MYO1C: variants seen among roughly 807,000 people sequenced by gnomAD.
MYO1C encodes myosin IC, also known as unconventional myosin-Ic.
Under a neutral mutation model 150.8 loss-of-function variants are expected in MYO1C, and 104 were observed. The observed-to-expected ratio is 0.69, with a 90% confidence interval of 0.59 to 0.81. The LOEUF is 0.81. Ranked by LOEUF, MYO1C falls within the 30% of genes least tolerant of loss-of-function variation. The pLI is 0.00. For missense variants in MYO1C, 1,504 were observed against 1,435.0 expected, an observed-to-expected ratio of 1.05 and a Z score of -0.78; for synonymous variants, 663 against 579.9, an observed-to-expected ratio of 1.14 and a Z score of -2.06.
In MYO1C at chr17:1,467,922, G is replaced by C. The variant is rs768934901; in HGVS notation, c.2897-12C>G. 3.1e-6 allele frequency: 5 copies of C among 1,612,576 alleles called. No individual in the cohort carries two copies. Among genetic ancestry groups the C allele is most frequent in the Non-Finnish European group, 4.2e-6 (5 of 1,179,780 alleles). On this transcript the variant is annotated splice_polypyrimidine_tract_variant and intron_variant, in intron 28 of 31. Transcript: ENST00000648651. Reference sequence around the variant, plus strand: ...GCTGACAGAGATTCCTGAGGGGAGAGGGCAAAGGTCAGAGGTCGAGGGTCA... The same window carrying C: ...GCTGACAGAGATTCCTGAGGGGAGACGGCAAAGGTCAGAGGTCGAGGGTCA...
chr17:1,492,518 A>G lies in MYO1C; in HGVS notation c.-31T>C, dbSNP rs1598352913. ...CCTGCGGAGAGCCAGCGGCCTGGGCACCGCGGCCTGTGAGCAAGAGCTGCC... is the reference window on the plus strand; with the variant it reads ...CCTGCGGAGAGCCAGCGGCCTGGGCGCCGCGGCCTGTGAGCAAGAGCTGCC... On this transcript the variant is annotated 5_prime_UTR_variant, in exon 1 of 32. Transcript: ENST00000648651. 1 of 1,572,978 alleles carries G rather than the reference A, an allele frequency of 6.4e-7. No homozygotes were observed. The highest frequency in any genetic ancestry group is 1.2e-5 in the South Asian group (1 of 86,432).
Position 1,465,556 on chromosome 17 carries a change from T to A in MYO1C, c.*170A>T, listed in dbSNP as rs557172939. On this transcript the variant is annotated 3_prime_UTR_variant, in exon 32 of 32. Coordinates refer to ENST00000648651, the MANE Select transcript of MYO1C (RefSeq NM_001080779.2). ...CCTGGCCCACTCCTGGGGTAGCTCC[T>A]GGCCCCTGCTGCTCCCTCAAGAGAG... The A allele has an allele frequency of 1.4e-6, 1 of 706,288 alleles. No homozygotes were observed. The highest frequency in any genetic ancestry group is 2.1e-6 in the Non-Finnish European group (1 of 479,390). The allele number at this position is 706,288 out of a possible 1,614,324, so 43.8% of individuals were successfully genotyped here.
chr17:1,485,284 C>A, intron 1 of MYO1C: 1 of 1,143,144 alleles, frequency 8.7e-7, no homozygotes, highest in South Asian at 1.8e-5. Context: ...CAGAGAAGAA[C>A]AAGGTGGTGG....
rs1189646261 is a variant in MYO1C, at chr17:1,477,948, G to C, written c.1425C>G (p.Asn475Lys). The C allele has an allele frequency of 6.2e-7, 1 of 1,614,214 alleles. No homozygotes were observed. Among genetic ancestry groups the C allele is most frequent in the Non-Finnish European group, 8.5e-7 (1 of 1,180,028 alleles). The change falls in exon 13 of 32, where the codon AAC (asparagine) becomes AAG (lysine). Residue 475 changes from asparagine to lysine, a missense_variant. Coordinates refer to ENST00000648651, the MANE Select transcript of MYO1C (RefSeq NM_001080779.2). ...CCACCAGATCACAGATGATTTTGTT[G>C]TTGAAATACTGGACGGGCTCCCACT... ...GIAWEPVQYF[N>K]NKIICDLVEE... is the part of the protein sequence containing the mutation.
At chr17:1,483,154 G>A in intron 3 of MYO1C, 95 bp from the exon 4 acceptor site, 1 of 1,255,114 alleles carries the variant, frequency 8.0e-7, no homozygotes. Flanking sequence ...CCTCTTGTGG[G>A]AGTCGAATAC....
At position 1,484,320 on chromosome 17, in the gene MYO1C, A is replaced by G. The variant is rs2074604863; in HGVS notation, c.76-17T>C. 6.2e-7 allele frequency: 1 copy of G among 1,607,264 alleles called. No homozygotes were observed. Among genetic ancestry groups the G allele is most frequent in the Non-Finnish European group, 8.5e-7 (1 of 1,179,986 alleles). ...GCCCAGGGCCTGCAGAGAATGGGCCACAGAAGAGGGTCAGAGTCATCGGGG... is the reference window on the plus strand; with the variant it reads ...GCCCAGGGCCTGCAGAGAATGGGCCGCAGAAGAGGGTCAGAGTCATCGGGG... On this transcript the variant is annotated splice_polypyrimidine_tract_variant and intron_variant, in intron 1 of 31. Transcript: ENST00000648651.
intron 1 of MYO1C, among the ~76,000 whole-genome samples, chr17:1,487,420 C>T (rs910242606): frequency 1.3e-5 from 2 of 152,224 alleles, no homozygotes; most frequent in Admixed American, 1.3e-4. Flanking sequence ...GGGGAGAGGG[C>T]GAGGCTGCGG....
intron 14 of MYO1C, among the ~76,000 whole-genome samples, chr17:1,476,372 C>T (rs2150948353): frequency 6.6e-6 from 1 of 152,308 alleles, no homozygotes; most frequent in Non-Finnish European, 1.5e-5. Flanking sequence ...AGGGTTTCAC[C>T]ATGTTGGCCA....
At chr17:1,489,466 G>A (rs1567538508) in intron 1 of MYO1C, among the ~76,000 whole-genome samples, 1 of 152,210 alleles carries the variant, frequency 6.6e-6, no homozygotes, top group Admixed American at 6.5e-5. Flanking sequence ...CTTGAGGCCA[G>A]GAGTTCAAGA....
rs1278478452 is a variant in MYO1C at position 1,472,133 on chromosome 17, G to A, written c.1893C>T (p.Ala631=). 1 of 1,614,062 alleles carries A rather than the reference G, an allele frequency of 6.2e-7. No individual in the cohort carries two copies. Among genetic ancestry groups the A allele is most frequent in the Non-Finnish European group, 8.5e-7 (1 of 1,179,948 alleles). Residue 631 remains alanine, a synonymous_variant, in exon 18 of 32, where the codon GCC becomes GCT. Transcript: ENST00000648651. ...AYVRCIKPND[A]KQPGRFDEVL... ...GTGGGAGGGGCCTACCGGGCTGTTT[G>A]GCATCATTGGGTTTGATGCAGCGGA...
rs748352208 is a variant in MYO1C, at chr17:1,467,477, C to T, written c.3065+3G>A. 1.7e-5 allele frequency: 28 copies of T among 1,612,872 alleles called. No individual in the cohort carries two copies. Among genetic ancestry groups the T allele is most frequent in the Non-Finnish European group, 2.3e-5 (27 of 1,179,926 alleles). ...CTGTCCCCGGGGGCCGCCCGCGCCTCACCTGCCCTGGTTGATGTTGATGCT... is the reference window on the plus strand; with the variant it reads ...CTGTCCCCGGGGGCCGCCCGCGCCTTACCTGCCCTGGTTGATGTTGATGCT... On this transcript the variant is annotated splice_donor_region_variant and intron_variant, in intron 30 of 31. Transcript: ENST00000648651.
At chr17:1,483,818 C>A in intron 2 of MYO1C, 93 bp from the exon 3 acceptor site, 1 of 1,005,158 alleles carries the variant, frequency 9.9e-7, no homozygotes, top group Non-Finnish European at 1.5e-6. Context: ...CCAAGGTGGG[C>A]GGATCACCTG....
In MYO1C at chr17:1,477,613, A is replaced by AG; in HGVS notation, c.1483-18dup. ...CTCCTCATCCTGGGGGGTGTGGCACAGGGGGAAGGACGTATGGGGGACAGG... is the reference window on the plus strand; with the variant it reads ...CTCCTCATCCTGGGGGGTGTGGCACAGGGGGGAAGGACGTATGGGGGACAGG... On this transcript the variant is annotated splice_polypyrimidine_tract_variant and intron_variant, in intron 13 of 31. Coordinates refer to ENST00000648651, the MANE Select transcript of MYO1C (RefSeq NM_001080779.2). 1 of 1,602,690 alleles carries AG rather than the reference A, an allele frequency of 6.2e-7. No homozygotes were observed. The highest frequency in any genetic ancestry group is 8.5e-7 in the Non-Finnish European group (1 of 1,170,498).
At position 1,480,637 on chromosome 17, in the gene MYO1C, G is replaced by A; in HGVS notation, c.808-12C>T. 6.2e-7 allele frequency: 1 copy of A among 1,613,988 alleles called. No homozygotes were observed. Among genetic ancestry groups the A allele is most frequent in the Admixed American group, 1.7e-5 (1 of 60,018 alleles). On this transcript the variant is annotated splice_polypyrimidine_tract_variant and intron_variant, in intron 6 of 31. Coordinates refer to ENST00000648651, the MANE Select transcript of MYO1C (RefSeq NM_001080779.2). ...TTGGCACACTGGCCCTGGAGGAAGG[G>A]CACAGCTGGGTTGCCAGCCCTGGCA...
In MYO1C at chr17:1,471,167, C is replaced by G. The variant is rs750483868; in HGVS notation, c.2136-20G>C. 98 of 1,613,874 alleles carry G rather than the reference C, an allele frequency of 6.1e-5. No individual in the cohort carries two copies. Among genetic ancestry groups the G allele is most frequent in the Non-Finnish European group, 7.9e-5 (93 of 1,179,896 alleles). On this transcript the variant is annotated intron_variant, in intron 20 of 31. Coordinates refer to ENST00000648651, the MANE Select transcript of MYO1C (RefSeq NM_001080779.2). ...TTGGTCCTGGGAGAGCAGTAGTGATCAGCCCGGGGTTGCCACTCCCATTCC... is the reference window on the plus strand; with the variant it reads ...TTGGTCCTGGGAGAGCAGTAGTGATGAGCCCGGGGTTGCCACTCCCATTCC...
At chr17:1,484,055 A>T in intron 2 of MYO1C, 93 bp downstream of exon 2, 10 of 1,471,918 alleles carry the variant, frequency 6.8e-6, no homozygotes, top group Non-Finnish European at 9.2e-6. Flanking sequence ...AAAAAAAAAA[A>T]GTTTATCCCG....
chr17:1,474,730 CAG>C (rs2074368253), intron 16 of MYO1C, 40 bp from the exon 17 acceptor site: 24 of 1,613,416 alleles, frequency 1.5e-5, no homozygotes, highest in Non-Finnish European at 2.0e-5. Context: ...GGCACAGGGA[CAG>C]GCAGGACAGG....
intron 1 of MYO1C, chr17:1,485,407 C>A: frequency 1.4e-6 from 1 of 692,800 alleles, no homozygotes; most frequent in African/African-American, 2.0e-5. Flanking sequence ...CCGCTCCAAT[C>A]CCGCGCCGAA....
In MYO1C at chr17:1,479,449, G is replaced by T; in HGVS notation, c.1074C>A (p.Ile358=). ...TLREALTHRK[I]IAKGEELLSP... Reference sequence around the variant, plus strand: ...GCCTCACCTCCTCCCCCTTGGCGATGATCTTCCTGTGTGTCAGGGCTTCTC... The same window carrying T: ...GCCTCACCTCCTCCCCCTTGGCGATTATCTTCCTGTGTGTCAGGGCTTCTC... The change falls in exon 9 of 32, where the codon ATC becomes ATA. Residue 358 remains isoleucine (I), a synonymous_variant. Coordinates refer to ENST00000648651, the MANE Select transcript of MYO1C (RefSeq NM_001080779.2). This position sits in a 1 kb window ranked among gnomAD's most constrained non-coding sequence, Gnocchi z 4.2. 1 of 1,491,210 alleles carries T rather than the reference G, an allele frequency of 6.7e-7. No homozygotes were observed. Among genetic ancestry groups the T allele is most frequent in the Non-Finnish European group, 9.1e-7 (1 of 1,095,410 alleles). 92.4% of individuals were successfully genotyped at this position (1,491,210 alleles called of 1,614,324 possible).
Sources: gnomAD v4.1 joint callset for allele counts (sites outside exome capture counted in the v4.1 genomes callset) on GRCh38, gnomAD v4.1.1 for gene constraint, Gnocchi (gnomAD v3.1) non-coding constraint, MANE v1.5 for transcripts, NCBI Gene and HGNC (gene_info 2026-07-23, HGNC 2026-07-21) for gene names.